ARSJ: variants seen among roughly 807,000 people sequenced by gnomAD.
ARSJ encodes arylsulfatase J.
A neutral mutation model predicts 35.9 loss-of-function variants in ARSJ; 26 were observed. The observed-to-expected ratio is 0.72, with a 90% CI of 0.53 to 1.00. ARSJ has a LOEUF of 1.00. Among genes scored for constraint, ARSJ ranks in the 50% least tolerant of loss-of-function variants. ARSJ has a pLI of 0.00. For synonymous variants in ARSJ, 294 were observed against 267.6 expected (o/e 1.10, Z -0.96); for missense variants, 667 against 723.6 (o/e 0.92, Z 0.90).
At position 113,902,083 on chromosome 4, in the gene ARSJ, G is replaced by A. The variant is rs2099667259; in HGVS notation, c.*191C>T. ...TCTCTAAGTGTGGCTTGCAAGAGTA[G>A]CACCTTGGCACTGAGCAGGACAGTT... On this transcript the variant is annotated 3_prime_UTR_variant, in exon 2 of 2. Coordinates refer to ENST00000315366, the MANE Select transcript of ARSJ (RefSeq NM_024590.4). The A allele has an allele frequency of 4.5e-6, 7 of 1,547,146 alleles. No homozygotes were observed. Among genetic ancestry groups the A allele is most frequent in the Non-Finnish European group, 6.1e-6 (7 of 1,148,216 alleles).
chr4:113,947,354 C>T (rs1189995270), intron 1 of ARSJ, among the ~76,000 whole-genome samples: 2 of 151,924 alleles, frequency 1.3e-5, no homozygotes, highest in Non-Finnish European at 2.9e-5. Context: ...TTGGCATGCA[C>T]CTGTGGTCCC....
At chr4:113,965,944 CTAACACAATCTT>C (rs1726868041) in intron 1 of ARSJ, among the ~76,000 whole-genome samples, 1 of 151,982 alleles carries the variant, frequency 6.6e-6, no homozygotes, top group Admixed American at 6.6e-5. Context: ...TTCAAAGGAT[CTAACACAATCTT>C]TAACCTCATA....
At chr4:113,947,716 A>C (rs1002224172) in intron 1 of ARSJ, among the ~76,000 whole-genome samples, 2 of 152,088 alleles carry the variant, frequency 1.3e-5, no homozygotes, top group Admixed American at 1.3e-4. Flanking sequence ...AAAATTTAAA[A>C]AGTATATGGA....
intron 1 of ARSJ, among the ~76,000 whole-genome samples, chr4:113,963,977 C>T (rs1562373978): frequency 2.0e-5 from 3 of 150,968 alleles, no homozygotes; most frequent in Admixed American, 6.6e-5. Flanking sequence ...TTTTAAATTG[C>T]TTTTTTTTTG....
intron 1 of ARSJ, among the ~76,000 whole-genome samples, chr4:113,940,061 C>T (rs78707816): frequency 6.6e-6 from 1 of 152,100 alleles, no homozygotes; most frequent in East Asian, 1.9e-4. Flanking sequence ...TTAGTTCAAC[C>T]ACTGTGGAAG....
chr4:113,903,545 A>T lies in ARSJ; in HGVS notation c.529T>A (p.Trp177Arg), dbSNP rs1383572197. ...VGYSTHMVGK[W>R]HLGFYRKECM... ...TCTTTTCTGTAAAAACCCAAGTGCC[A>T]TTTTCCGACCATATGCGTTGAATAT... Residue 177 changes from tryptophan (W) to arginine (R), a missense_variant, in exon 2 of 2, where the codon TGG (tryptophan) becomes AGG (arginine). Coordinates refer to ENST00000315366, the MANE Select transcript of ARSJ (RefSeq NM_024590.4). 7.4e-6 allele frequency: 12 copies of T among 1,614,144 alleles called. No homozygotes were observed. Among genetic ancestry groups the T allele is most frequent in the Non-Finnish European group, 7.6e-6 (9 of 1,180,026 alleles).
chr4:113,901,973 T>C lies in ARSJ; in HGVS notation c.*301A>G. The C allele has an allele frequency of 5.4e-6, 3 of 560,346 alleles. No homozygotes were observed. Among genetic ancestry groups the C allele is most frequent in the Non-Finnish European group, 8.9e-6 (3 of 338,808 alleles). The allele number at this position is 560,346 out of a possible 1,614,324, so 34.7% of individuals were successfully genotyped here. A position where few individuals can be genotyped will look rare whatever the true frequency, so the allele number is the denominator to read the frequency against. ...TCTCCTCCTATAATTCAAAGCAGTG[T>C]TTGGTCAGTTGACTGAAGCACAGCA... is the stretch of plus-strand genomic sequence containing the variant. On this transcript the variant is annotated 3_prime_UTR_variant, in exon 2 of 2. Coordinates refer to ENST00000315366, the MANE Select transcript of ARSJ (RefSeq NM_024590.4).
chr4:113,928,839 T>C (rs969443296), intron 1 of ARSJ, among the ~76,000 whole-genome samples: 1 of 152,146 alleles, frequency 6.6e-6, no homozygotes, highest in Non-Finnish European at 1.5e-5. Context: ...TTCTGGACCC[T>C]CCCAGTTGGG....
chr4:113,907,275 A>T (rs535227297), intron 1 of ARSJ, among the ~76,000 whole-genome samples: 18 of 152,228 alleles, frequency 1.2e-4, no homozygotes, highest in Non-Finnish European at 1.9e-4. Context: ...TTTTTAAAGT[A>T]TGTGATTTGT....
intron 1 of ARSJ, among the ~76,000 whole-genome samples, chr4:113,913,969 A>T (rs978369839): frequency 6.6e-6 from 1 of 151,990 alleles, no homozygotes; most frequent in Non-Finnish European, 1.5e-5. Flanking sequence ...TTTCATTTTT[A>T]AATTTTTATT....
chr4:113,934,357 C>CA (rs527373162), intron 1 of ARSJ, among the ~76,000 whole-genome samples: 33 of 151,494 alleles, frequency 2.2e-4, no homozygotes, highest in Admixed American at 1.2e-3. Context: ...CATTAATAGA[C>CA]AAAAAAAGTG....
chr4:113,950,296 C>T (rs1255028470), intron 1 of ARSJ, among the ~76,000 whole-genome samples: 3 of 152,084 alleles, frequency 2.0e-5, no homozygotes, highest in African/African-American at 4.8e-5. Flanking sequence ...AACCCTCCCC[C>T]TTCCTTTTAT....
At chr4:113,973,993 T>C (rs1279853022) in intron 1 of ARSJ, among the ~76,000 whole-genome samples, 1 of 152,044 alleles carries the variant, frequency 6.6e-6, no homozygotes, top group Admixed American at 6.6e-5. Flanking sequence ...AGATCAAACA[T>C]GTGCATTCAT....
chr4:113,978,467 G>A lies in ARSJ; in HGVS notation c.368C>T (p.Thr123Ile). Residue 123 changes from threonine to isoleucine, a missense_variant, in exon 1 of 2, where the codon ACA (threonine) becomes ATA (isoleucine). Thr to Ile is a moderately conservative substitution (Grantham distance 89, BLOSUM62 -1). Transcript: ENST00000315366. ...AGTAATAAACTGACTCCTGGATGGT[G>A]TGCAAATAGGCTGGACATAGTAGTT... ...LENYYVQPIC[T>I]PSRSQFITGK... The A allele has an allele frequency of 1.9e-6, 3 of 1,613,248 alleles. No individual in the cohort carries two copies. The highest frequency in any genetic ancestry group is 2.5e-6 in the Non-Finnish European group (3 of 1,179,488).
intron 1 of ARSJ, among the ~76,000 whole-genome samples, chr4:113,972,031 T>C (rs1296162709): frequency 2.0e-5 from 3 of 152,216 alleles, no homozygotes; most frequent in Non-Finnish European, 4.4e-5. Context: ...CTAGGACAAT[T>C]ATAACTTGAA....
In ARSJ at chr4:113,901,171, C is replaced by T. The variant is rs769096416; in HGVS notation, c.*1103G>A. 1.3e-5 allele frequency: 2 copies of T among 152,102 alleles called. No homozygotes were observed. The highest frequency in any genetic ancestry group is 4.8e-5 in the African/African-American group (2 of 41,440). 9.4% of individuals were successfully genotyped at this position (152,102 alleles called of 1,614,324 possible). ...GCTAGAAGTTAGATCAGAAAAGCCA[C>T]AGTAAATTTTCTAGTGCCATAAAGT... On this transcript the variant is annotated 3_prime_UTR_variant, in exon 2 of 2. Coordinates refer to ENST00000315366, the MANE Select transcript of ARSJ (RefSeq NM_024590.4).
intron 1 of ARSJ, among the ~76,000 whole-genome samples, chr4:113,947,410 T>A (rs905190442): frequency 6.6e-6 from 1 of 151,712 alleles, no homozygotes. Context: ...AATTTGGCAG[T>A]TGGAGGTTGC....
At chr4:113,953,195 C>T (rs777994741) in intron 1 of ARSJ, among the ~76,000 whole-genome samples, 6 of 152,022 alleles carry the variant, frequency 3.9e-5, no homozygotes, top group Non-Finnish European at 7.4e-5. Context: ...TGGACAATAC[C>T]GTATTCTGAT....
chr4:113,942,944 T>C lies in ARSJ; in HGVS notation c.398+35493A>G, dbSNP rs563659510. Among the ~76,000 whole-genome samples the C allele has an allele frequency of 5.9e-5, 9 of 152,116 alleles. No individual in the cohort carries two copies. The East Asian group carries it at 1.8e-3, about 30-fold the overall frequency. On this transcript the variant is annotated intron_variant, in intron 1 of 1. Transcript: ENST00000315366. Reference sequence around the variant, plus strand: ...ATTAAAAAAAAGTAACAACTTGCAGTGCAAAACATCTGTCTCCTAAGAATT... The same window carrying C: ...ATTAAAAAAAAGTAACAACTTGCAGCGCAAAACATCTGTCTCCTAAGAATT...
Sources: allele counts gnomAD v4.1 joint callset (sites outside exome capture counted in the v4.1 genomes callset), GRCh38; gene constraint gnomAD v4.1.1; transcripts MANE v1.5; gene names NCBI Gene and HGNC (gene_info 2026-07-23, HGNC 2026-07-21).